Variants in MSRA observed in about 807,000 individuals in gnomAD.
MSRA encodes the protein methionine sulfoxide reductase A.
MSRA carries 54 observed loss-of-function variants against 31.3 expected under a neutral mutation model. The observed-to-expected ratio is 1.73, with a 90% CI of 1.39 to 2.17. The LOEUF is 2.17. MSRA is among the 30% of genes most tolerant of loss of function. The pLI is 0.00. For missense variants in MSRA, 507 were observed against 300.9 expected, an observed-to-expected ratio of 1.69 and a Z score of -5.07; for synonymous variants, 169 against 116.5, an observed-to-expected ratio of 1.45 and a Z score of -2.90.
intron 1 of MSRA, among the ~76,000 whole-genome samples, chr8:10,151,279 A>AT (rs1563155229): frequency 2.1e-5 from 3 of 143,402 alleles, no homozygotes; most frequent in Non-Finnish European, 3.0e-5. Context: ...AAAAAAAAAA[A>AT]AAAAAAAAAT....
intron 5 of MSRA, among the ~76,000 whole-genome samples, chr8:10,425,440 G>GGGAGGAGGA (rs1212184558): frequency 2.0e-5 from 3 of 152,222 alleles, no homozygotes; most frequent in African/African-American, 4.8e-5. Context: ...TGGCTGCGAA[G>GGGAGGAGGA]GGAGGAGGAG....
At chr8:10,271,868 G>A (rs1338063376) in intron 3 of MSRA, among the ~76,000 whole-genome samples, 1 of 152,006 alleles carries the variant, frequency 6.6e-6, no homozygotes, top group African/African-American at 2.4e-5. Context: ...ATAGGCACGT[G>A]CTACCACGCC....
intron 3 of MSRA, among the ~76,000 whole-genome samples, chr8:10,285,866 C>A (rs1172982716): frequency 6.6e-6 from 1 of 152,014 alleles, no homozygotes; most frequent in Non-Finnish European, 1.5e-5. Context: ...TTAATAGAAA[C>A]AAAGCTGTAT....
intron 4 of MSRA, among the ~76,000 whole-genome samples, chr8:10,313,771 C>T (rs984264549): frequency 2.0e-5 from 3 of 152,160 alleles, no homozygotes; most frequent in African/African-American, 7.2e-5. Context: ...ACTTATTCTT[C>T]CAGATATCGA....
chr8:10,288,138 T>C (rs1175498536), intron 3 of MSRA, among the ~76,000 whole-genome samples: 1 of 152,248 alleles, frequency 6.6e-6, no homozygotes, highest in Non-Finnish European at 1.5e-5. Flanking sequence ...ATTTTGATTG[T>C]ACTGATATTT....
At chr8:10,246,626 C>G (rs1361519218) in intron 3 of MSRA, among the ~76,000 whole-genome samples, 1 of 152,102 alleles carries the variant, frequency 6.6e-6, no homozygotes, top group African/African-American at 2.4e-5. Context: ...AGTTTGGGAG[C>G]TTGGTGAATA....
At chr8:10,244,807 C>T (rs923747353) in intron 2 of MSRA, among the ~76,000 whole-genome samples, 3 of 152,114 alleles carry the variant, frequency 2.0e-5, no homozygotes, top group Non-Finnish European at 2.9e-5. Context: ...AAAATAGTTA[C>T]CCCCTTACTG....
At chr8:10,253,052 C>T (rs889298352) in intron 3 of MSRA, among the ~76,000 whole-genome samples, 5 of 152,180 alleles carry the variant, frequency 3.3e-5, no homozygotes, top group Admixed American at 2.6e-4. Context: ...TTAAATCCAG[C>T]ATTAGACATC....
intron 1 of MSRA, among the ~76,000 whole-genome samples, chr8:10,151,761 T>G (rs1324727701): frequency 6.6e-6 from 1 of 152,200 alleles, no homozygotes; most frequent in Non-Finnish European, 1.5e-5. Flanking sequence ...AGGAAAGCGA[T>G]GGTGAGATTA....
intron 1 of MSRA, among the ~76,000 whole-genome samples, chr8:10,059,427 G>C (rs1802580570): frequency 1.3e-5 from 2 of 152,304 alleles, no homozygotes; most frequent in South Asian, 4.2e-4. Flanking sequence ...AATAAGTAGT[G>C]GAGCTGGGAT....
intron 1 of MSRA, among the ~76,000 whole-genome samples, chr8:10,183,170 T>C (rs1249718939): frequency 6.6e-6 from 1 of 152,184 alleles, no homozygotes; most frequent in African/African-American, 2.4e-5. Flanking sequence ...ACTATTTGCC[T>C]TCCTAGACTT....
rs77472257 is a variant in MSRA at position 10,157,362 on chromosome 8, G to A, written c.143-50471G>A. On this transcript the variant is annotated intron_variant, in intron 1 of 5. Transcript: ENST00000317173. ...TCACTGTCTGATGGTGTGATTTGAG[G>A]GCCTTAGTCTTATCAAATATAATCA... 1.1e-4 allele frequency among the ~76,000 whole-genome samples: 16 copies of A among 152,112 alleles called. No homozygotes were observed. In the East Asian group the frequency reaches 2.7e-3, roughly 26 times the overall value.
At chr8:10,219,085 G>T (rs1009086464) in intron 2 of MSRA, among the ~76,000 whole-genome samples, 3 of 152,152 alleles carry the variant, frequency 2.0e-5, no homozygotes, top group Non-Finnish European at 4.4e-5. Flanking sequence ...AGGGCCTGAG[G>T]GTTGGAGGAG....
intron 5 of MSRA, among the ~76,000 whole-genome samples, chr8:10,327,515 T>G (rs1366005503): frequency 6.6e-6 from 1 of 152,246 alleles, no homozygotes; most frequent in Non-Finnish European, 1.5e-5. Flanking sequence ...TCTTCCTGCT[T>G]AGATTGCAGC....
At chr8:10,185,083 C>T (rs537024895) in intron 1 of MSRA, among the ~76,000 whole-genome samples, 1 of 152,286 alleles carries the variant, frequency 6.6e-6, no homozygotes, top group Non-Finnish European at 1.5e-5. Flanking sequence ...ACCATGAAAT[C>T]CTCTCTCTCA....
chr8:10,346,743 C>G (rs887387717), intron 5 of MSRA, among the ~76,000 whole-genome samples: 8 of 152,126 alleles, frequency 5.3e-5, no homozygotes, highest in African/African-American at 1.7e-4. Context: ...TGGGTTAGTC[C>G]TAGAATTTCA....
intron 1 of MSRA, among the ~76,000 whole-genome samples, chr8:10,181,443 TAA>T (rs537865249): frequency 1.2e-3 from 156 of 131,734 alleles, no homozygotes; most frequent in Middle Eastern, 3.9e-3. Flanking sequence ...ATAATAAAAT[TAA>T]AAAAAAAAAA....
intron 4 of MSRA, among the ~76,000 whole-genome samples, chr8:10,308,348 C>G (rs1243295190): frequency 6.6e-6 from 1 of 152,144 alleles, no homozygotes; most frequent in Admixed American, 6.5e-5. Context: ...AGTGTGGACC[C>G]TGGGGTCAGA....
At chr8:10,092,467 G>A (rs1421527029) in intron 1 of MSRA, among the ~76,000 whole-genome samples, 1 of 152,104 alleles carries the variant, frequency 6.6e-6, no homozygotes, top group South Asian at 2.1e-4. Flanking sequence ...GACCATCCTG[G>A]CCAACATGTG....
Sources: gnomAD v4.1 joint callset for allele counts (sites outside exome capture counted in the v4.1 genomes callset) on GRCh38, gnomAD v4.1.1 for gene constraint, MANE v1.5 for transcripts, NCBI Gene and HGNC (gene_info 2026-07-23, HGNC 2026-07-21) for gene names.